Variants in CLDN10 observed in about 807,000 individuals in gnomAD.
The protein encoded by CLDN10 is claudin-10.
A neutral mutation model predicts 22.9 loss-of-function variants in CLDN10; 15 were observed. That is an observed-to-expected ratio of 0.65 (90% confidence interval 0.44 to 1.01). CLDN10 has a LOEUF of 1.01. CLDN10 is among the 50% of genes least tolerant of loss of function. The pLI, the probability that CLDN10 is intolerant of heterozygous loss-of-function variation, is 0.00. For synonymous variants in CLDN10, 114 were observed against 111.4 expected (o/e 1.02, Z -0.15); for missense variants, 247 against 287.8 (o/e 0.86, Z 1.03).
At chr13:95,503,212 T>C (rs2043004080) in intron 1 of CLDN10, among the ~76,000 whole-genome samples, 1 of 152,164 alleles carries the variant, frequency 6.6e-6, no homozygotes, top group Admixed American at 6.5e-5. Context: ...TATGTAGATT[T>C]TCATAGAGGT....
At chr13:95,440,638 T>G (rs150469332) in intron 1 of CLDN10, among the ~76,000 whole-genome samples, 1 of 152,354 alleles carries the variant, frequency 6.6e-6, no homozygotes, top group African/African-American at 2.4e-5. Flanking sequence ...ATTGCACAGC[T>G]GCATTCCAGC....
intron 1 of CLDN10, among the ~76,000 whole-genome samples, chr13:95,502,043 A>G (rs1182062227): frequency 6.6e-6 from 1 of 152,202 alleles, no homozygotes; most frequent in African/African-American, 2.4e-5. Flanking sequence ...AGAATTTTAC[A>G]ATAGTTGTGT....
chr13:95,574,587 T>TG (rs2043900741), intron 3 of CLDN10, among the ~76,000 whole-genome samples: 1 of 152,056 alleles, frequency 6.6e-6, no homozygotes, highest in East Asian at 1.9e-4. Flanking sequence ...TTGGCCAACA[T>TG]GGGGAAACCC....
At chr13:95,565,070 C>T (rs1223239505) in intron 3 of CLDN10, among the ~76,000 whole-genome samples, 2 of 151,746 alleles carry the variant, frequency 1.3e-5, no homozygotes, top group South Asian at 4.2e-4. Context: ...TTCAACTTTT[C>T]CCTTTAGGCT....
chr13:95,569,187 G>A (rs1423480964), intron 3 of CLDN10, among the ~76,000 whole-genome samples: 2 of 150,524 alleles, frequency 1.3e-5, no homozygotes, highest in African/African-American at 4.8e-5. Context: ...GTTAGCCACA[G>A]AGAAATGTAT....
chr13:95,435,928 T>C (rs909038701), intron 1 of CLDN10, among the ~76,000 whole-genome samples: 3 of 151,632 alleles, frequency 2.0e-5, no homozygotes. Flanking sequence ...AATGCTGAGA[T>C]TATAGGCCTG....
At chr13:95,510,205 T>C (rs2389354) in intron 1 of CLDN10, among the ~76,000 whole-genome samples, 59,722 of 152,068 alleles carry the variant, frequency 0.39, 12,010 homozygotes, top group South Asian at 0.47. Context: ...AGAGTCTGGC[T>C]TCCAGTGAAG....
intron 1 of CLDN10, among the ~76,000 whole-genome samples, chr13:95,439,850 A>G (rs2042307907): frequency 6.6e-6 from 1 of 152,226 alleles, no homozygotes; most frequent in Non-Finnish European, 1.5e-5. Context: ...ACAATAATGA[A>G]TAAATGAAAA....
At chr13:95,531,801 C>G (rs2043345825) in intron 1 of CLDN10, among the ~76,000 whole-genome samples, 1 of 151,684 alleles carries the variant, frequency 6.6e-6, no homozygotes, top group Non-Finnish European at 1.5e-5. Flanking sequence ...TCCCAAAGTG[C>G]TGGGATTACA....
At chr13:95,523,138 T>C (rs2043239734) in intron 1 of CLDN10, among the ~76,000 whole-genome samples, 2 of 152,058 alleles carry the variant, frequency 1.3e-5, no homozygotes, top group Non-Finnish European at 2.9e-5. Flanking sequence ...ACTCCTTTCT[T>C]TCCGTCTTTT....
chr13:95,541,151 C>A (rs746252828), intron 1 of CLDN10, among the ~76,000 whole-genome samples: 15 of 152,230 alleles, frequency 9.9e-5, no homozygotes, highest in Non-Finnish European at 1.6e-4. Flanking sequence ...GGCACCGATG[C>A]TTGAGAATAG....
chr13:95,546,187 G>A (rs1421125943), intron 1 of CLDN10, among the ~76,000 whole-genome samples: 1 of 151,978 alleles, frequency 6.6e-6, no homozygotes, highest in Admixed American at 6.5e-5. Flanking sequence ...CTGTCTTAAT[G>A]CATTTTGTGC....
At chr13:95,439,532 C>T (rs1447197690) in intron 1 of CLDN10, among the ~76,000 whole-genome samples, 1 of 152,050 alleles carries the variant, frequency 6.6e-6, no homozygotes, top group Non-Finnish European at 1.5e-5. Context: ...CAGAGTTTTG[C>T]TGGGTTGTCC....
chr13:95,471,880 T>G (rs940900058), intron 1 of CLDN10, among the ~76,000 whole-genome samples: 3 of 151,172 alleles, frequency 2.0e-5, no homozygotes, highest in Non-Finnish European at 4.4e-5. Context: ...GCAGCCTCAG[T>G]CTTCCCGCCT....
At chr13:95,490,732 C>G (rs1414480231) in intron 1 of CLDN10, among the ~76,000 whole-genome samples, 8 of 152,016 alleles carry the variant, frequency 5.3e-5, no homozygotes, top group Non-Finnish European at 1.2e-4. Flanking sequence ...GAATAGAATG[C>G]AGTTGTTGGA....
chr13:95,451,991 T>G (rs1263395412), intron 1 of CLDN10, among the ~76,000 whole-genome samples: 1 of 152,230 alleles, frequency 6.6e-6, no homozygotes, highest in Non-Finnish European at 1.5e-5. Context: ...ACACATCTCT[T>G]GCTCTTAGCG....
At chr13:95,447,748 T>C (rs2042394686) in intron 1 of CLDN10, among the ~76,000 whole-genome samples, 1 of 145,418 alleles carries the variant, frequency 6.9e-6, no homozygotes, top group East Asian at 2.0e-4. Context: ...CATGCGTGTG[T>C]GTGTGTGTGT....
intron 1 of CLDN10, among the ~76,000 whole-genome samples, chr13:95,504,371 T>TTTTTA (rs1436746035): frequency 1.3e-5 from 2 of 152,268 alleles, no homozygotes; most frequent in South Asian, 4.1e-4. Context: ...ATTCCTTAAT[T>TTTTTA]TTTTATTTTA....
intron 1 of CLDN10, among the ~76,000 whole-genome samples, chr13:95,509,362 C>T (rs775100548): frequency 6.6e-6 from 1 of 152,112 alleles, no homozygotes; most frequent in Non-Finnish European, 1.5e-5. Flanking sequence ...CTCCCTGTGG[C>T]CATAAAGATG....
Sources: gnomAD v4.1 joint callset for allele counts (sites outside exome capture counted in the v4.1 genomes callset) on GRCh38, gnomAD v4.1.1 for gene constraint, MANE v1.5 for transcripts, NCBI Gene and HGNC (gene_info 2026-07-23, HGNC 2026-07-21) for gene names.